The following PRKN variants were observed in gnomAD, a reference collection of about 807,000 sequenced individuals.
The protein encoded by PRKN is parkin RBR E3 ubiquitin protein ligase.
A neutral mutation model predicts 59.5 loss-of-function variants in PRKN; 56 were observed. That is an observed-to-expected ratio of 0.94 (90% CI 0.76 to 1.18). The LOEUF (loss-of-function observed/expected upper bound fraction) is 1.18, where lower values mean the gene tolerates loss of function less well. Among genes scored for constraint, PRKN ranks in the 50% most tolerant of loss-of-function variants. PRKN has a pLI of 0.00. For synonymous variants in PRKN, 250 were observed against 222.1 expected, an observed-to-expected ratio of 1.13 and a Z score of -1.12; for missense variants, 657 against 596.4, an observed-to-expected ratio of 1.10 and a Z score of -1.06.
chr6:162,062,448 A>T (rs1778139448), intron 4 of PRKN, among the ~76,000 whole-genome samples: 1 of 152,124 alleles, frequency 6.6e-6, no homozygotes, highest in Admixed American at 6.6e-5. Context: ...ATCCCCTCAA[A>T]ATTTATGTTT....
chr6:162,349,466 CAAACAAACAAAT>C (rs893553830), intron 2 of PRKN, among the ~76,000 whole-genome samples: 23 of 152,090 alleles, frequency 1.5e-4, no homozygotes, highest in African/African-American at 5.6e-4. Flanking sequence ...AATTCTGTCT[CAAACAAACAAAT>C]AAACAAACAA....
At position 161,997,573 on chromosome 6, in the gene PRKN, C is replaced by G. The variant is rs577500539; in HGVS notation, c.619-24156G>C. Among the ~76,000 whole-genome samples, 6 of 152,254 alleles carry G rather than the reference C, an allele frequency of 3.9e-5. No homozygotes were observed. The East Asian group carries it at 1.2e-3, about 29-fold the overall frequency. ...TGTGGTAGAGGCATGGTGGCTGTTACTCATATTACACTTTTCCAATCAGTT... is the reference window on the plus strand; with the variant it reads ...TGTGGTAGAGGCATGGTGGCTGTTAGTCATATTACACTTTTCCAATCAGTT... On this transcript the variant is annotated intron_variant, in intron 5 of 11. Transcript: ENST00000366898.
In PRKN at chr6:162,035,651, AAT is replaced by A. The variant is rs553120011; in HGVS notation, c.618+18438_618+18439del. Reference sequence around the variant, plus strand: ...GGAGAATTTACTATAGCAGATATTAAATATGTTACAATGTATTAAATGTTAGA... The same window carrying A: ...GGAGAATTTACTATAGCAGATATTAAATGTTACAATGTATTAAATGTTAGA... On this transcript the variant is annotated intron_variant, in intron 5 of 11. Coordinates refer to ENST00000366898, the MANE Select transcript of PRKN (RefSeq NM_004562.3). 2.0e-4 allele frequency among the ~76,000 whole-genome samples: 30 copies of A among 152,324 alleles called. No individual in the cohort carries two copies. In the South Asian group the frequency reaches 6.2e-3, roughly 32 times the overall value.
chr6:161,934,826 C>A (rs777545215), intron 6 of PRKN, among the ~76,000 whole-genome samples: 1 of 151,976 alleles, frequency 6.6e-6, no homozygotes, highest in Non-Finnish European at 1.5e-5. Flanking sequence ...AACATTGAAC[C>A]CCAAATTTAG....
At chr6:162,637,218 C>T (rs1777753001) in intron 1 of PRKN, among the ~76,000 whole-genome samples, 1 of 151,868 alleles carries the variant, frequency 6.6e-6, no homozygotes, top group Admixed American at 6.6e-5. Flanking sequence ...GATCACGCCG[C>T]TGCACTCCAG....
intron 6 of PRKN, among the ~76,000 whole-genome samples, chr6:161,919,797 G>A (rs1304575271): frequency 6.6e-6 from 1 of 152,212 alleles, no homozygotes; most frequent in South Asian, 2.1e-4. Context: ...AAAGAACTGT[G>A]TCAGATGGCA....
At chr6:161,945,786 A>G (rs527409163) in intron 6 of PRKN, among the ~76,000 whole-genome samples, 8 of 152,334 alleles carry the variant, frequency 5.3e-5, no homozygotes, top group Non-Finnish European at 1.2e-4. Context: ...GCTAGACATG[A>G]CAGTTTCCCT....
At chr6:162,403,302 CT>C (rs1431020267) in intron 2 of PRKN, among the ~76,000 whole-genome samples, 1 of 152,048 alleles carries the variant, frequency 6.6e-6, no homozygotes, top group Non-Finnish European at 1.5e-5. Flanking sequence ...CTTGCTGCTC[CT>C]TTAATCTCAT....
intron 1 of PRKN, among the ~76,000 whole-genome samples, chr6:162,635,428 C>T (rs1777671733): frequency 6.6e-6 from 1 of 152,138 alleles, no homozygotes; most frequent in African/African-American, 2.4e-5. Flanking sequence ...ATGGCAGGAT[C>T]CCACATACTC....
chr6:161,667,360 C>T (rs1784761022), intron 7 of PRKN, among the ~76,000 whole-genome samples: 1 of 152,212 alleles, frequency 6.6e-6, no homozygotes, highest in Non-Finnish European at 1.5e-5. Context: ...TCCCTGGCCC[C>T]TTCCTAGAGC....
At chr6:161,501,016 C>T (rs1741289060) in intron 9 of PRKN, among the ~76,000 whole-genome samples, 1 of 151,926 alleles carries the variant, frequency 6.6e-6, no homozygotes. Context: ...GCTGGGACTA[C>T]TGGTACTCGC....
chr6:162,724,116 A>G (rs1779036766), intron 1 of PRKN, among the ~76,000 whole-genome samples: 1 of 152,222 alleles, frequency 6.6e-6, no homozygotes, highest in Admixed American at 6.5e-5. Flanking sequence ...ATCCCCACTA[A>G]CATTCCATTT....
In PRKN at chr6:161,376,906, C is replaced by T. The variant is rs1317993849; in HGVS notation, c.1167+9888G>A. On this transcript the variant is annotated intron_variant, in intron 10 of 11. Transcript: ENST00000366898. The surrounding 1 kb of genome is among the most constrained non-coding windows in gnomAD (Gnocchi z 7.3). Reference sequence around the variant, plus strand: ...TTGGTGCCTGGATAGTCCTAGGAAGCAAACTCTAAAATGGAGTTAGAGCTG... The same window carrying T: ...TTGGTGCCTGGATAGTCCTAGGAAGTAAACTCTAAAATGGAGTTAGAGCTG... Among the ~76,000 whole-genome samples, 1 of 152,230 alleles carries T rather than the reference C, an allele frequency of 6.6e-6. No individual in the cohort carries two copies. The highest frequency in any genetic ancestry group is 2.4e-5 in the African/African-American group (1 of 41,462).
intron 9 of PRKN, among the ~76,000 whole-genome samples, chr6:161,485,849 C>T (rs1419241625): frequency 6.6e-6 from 1 of 151,664 alleles, no homozygotes; most frequent in African/African-American, 2.4e-5. Flanking sequence ...ATTATTTTAG[C>T]TCTTAAAGTA....
intron 5 of PRKN, among the ~76,000 whole-genome samples, chr6:162,021,170 T>G: frequency 1.8e-5 from 1 of 55,224 alleles, no homozygotes; most frequent in Admixed American, 2.9e-4. Flanking sequence ...ATATATAAAA[T>G]ATATGTGTAT....
At chr6:162,461,499 C>CAAAAAAAAAAAAAAAAAAAAAA (rs780424226) in intron 1 of PRKN, among the ~76,000 whole-genome samples, 7 of 36,516 alleles carry the variant, frequency 1.9e-4, no homozygotes, top group East Asian at 1.4e-3. Flanking sequence ...TAAAGTGTCT[C>CAAAAAAAAAAAAAAAAAAAAAA]AAAAAAAAAA....
intron 9 of PRKN, among the ~76,000 whole-genome samples, chr6:161,496,209 C>T (rs1777741928): frequency 6.6e-6 from 1 of 152,242 alleles, no homozygotes; most frequent in African/African-American, 2.4e-5. Flanking sequence ...ACAGTGCACA[C>T]AGGCAAGGCT....
Position 161,484,279 on chromosome 6 carries a change from A to G in PRKN, c.1083+64575T>C, listed in dbSNP as rs1791551940. On this transcript the variant is annotated intron_variant, in intron 9 of 11. Transcript: ENST00000366898. The surrounding 1 kb of genome is among the most constrained non-coding windows in gnomAD (Gnocchi z 4.9). Reference sequence around the variant, plus strand: ...GCACATGGCCATTTTCTGAACTCCTATAACTGGCTTTTGAACCAAAGTCCT... The same window carrying G: ...GCACATGGCCATTTTCTGAACTCCTGTAACTGGCTTTTGAACCAAAGTCCT... Among the ~76,000 whole-genome samples, 1 of 152,160 alleles carries G rather than the reference A, an allele frequency of 6.6e-6. No individual in the cohort carries two copies. Among genetic ancestry groups the G allele is most frequent in the Non-Finnish European group, 1.5e-5 (1 of 68,036 alleles).
chr6:161,818,442 C>T (rs1315352289), intron 6 of PRKN, among the ~76,000 whole-genome samples: 1 of 151,952 alleles, frequency 6.6e-6, no homozygotes, highest in Non-Finnish European at 1.5e-5. Context: ...CCAAGTATCT[C>T]CTGCCTCAGC....
Sources: allele counts gnomAD v4.1 joint callset (sites outside exome capture counted in the v4.1 genomes callset), GRCh38; gene constraint gnomAD v4.1.1; non-coding constraint Gnocchi (gnomAD v3.1); transcripts MANE v1.5; gene names NCBI Gene and HGNC (gene_info 2026-07-23, HGNC 2026-07-21).